The following VPS39 variants were observed in gnomAD, a reference collection of about 807,000 sequenced individuals.
VPS39 encodes the protein vam6/Vps39-like protein.
Under a neutral mutation model 121.0 loss-of-function variants are expected in VPS39, and 70 were observed. That is an observed-to-expected ratio of 0.58 (90% CI 0.48 to 0.71). The LOEUF is 0.71. Among genes scored for constraint, VPS39 ranks in the 30% least tolerant of loss-of-function variants. The pLI is 0.00. For synonymous variants in VPS39, 378 were observed against 398.1 expected (o/e 0.95, Z 0.60); for missense variants, 818 against 1,051.5 (o/e 0.78, Z 3.07).
At chr15:42,167,621 A>T in intron 12 of VPS39, 84 bp from the exon 13 acceptor site, 1 of 1,543,130 alleles carries the variant, frequency 6.5e-7, no homozygotes, top group Non-Finnish European at 8.8e-7. Flanking sequence ...GAATACCTCC[A>T]ATCAGCTCAT....
At chr15:42,203,446 CCTGGGTGACGGGG>C (rs1018758957) in intron 1 of VPS39, among the ~76,000 whole-genome samples, 1 of 150,818 alleles carries the variant, frequency 6.6e-6, no homozygotes, top group Non-Finnish European at 1.5e-5. Flanking sequence ...TGCACTCCAG[CCTGGGTGACGGGG>C]CAGGACTCTG....
intron 7 of VPS39, among the ~76,000 whole-genome samples, chr15:42,186,153 A>G (rs772392556): frequency 1.7e-4 from 26 of 151,982 alleles, no homozygotes; most frequent in Admixed American, 1.7e-3. Flanking sequence ...CAAGATAACA[A>G]TGGGGCCAGG....
intron 2 of VPS39, chr15:42,192,214 A>C (rs1257551251): frequency 9.2e-6 from 9 of 974,248 alleles, no homozygotes; most frequent in Non-Finnish European, 1.4e-5. Flanking sequence ...AAAGAGAATA[A>C]TTATCATCAT....
At chr15:42,178,712 T>G in intron 8 of VPS39, 142 bp from the exon 9 acceptor site, 1 of 1,224,302 alleles carries the variant, frequency 8.2e-7, no homozygotes, top group Non-Finnish European at 1.1e-6. Flanking sequence ...TCTTACACTG[T>G]GATTCAGAAA....
At position 42,165,117 on chromosome 15, in the gene VPS39, A is replaced by C. The variant is rs1209656413; in HGVS notation, c.1780-4T>G. On this transcript the variant is annotated splice_region_variant and splice_polypyrimidine_tract_variant and intron_variant, in intron 17 of 24. Coordinates refer to ENST00000318006, the MANE Select transcript of VPS39 (RefSeq NM_015289.5). ...CCCAAACATGGATGATGTGTTCCTGAGGCAAGATGTAGGTCTTTGTCACTG... is the reference window on the plus strand; with the variant it reads ...CCCAAACATGGATGATGTGTTCCTGCGGCAAGATGTAGGTCTTTGTCACTG... The C allele has an allele frequency of 1.9e-6, 3 of 1,613,928 alleles. No homozygotes were observed. Among genetic ancestry groups the C allele is most frequent in the East Asian group, 4.5e-5 (2 of 44,872 alleles).
Position 42,191,153 on chromosome 15 carries a change from G to A in VPS39, c.219C>T (p.Ser73=), listed in dbSNP as rs2049820561. The change falls in exon 4 of 25, where the codon TCC becomes TCT. Residue 73 remains serine (S), a synonymous_variant. Transcript: ENST00000318006. ...SKKIQQIHVV[S]QFKILVSLLE... The stretch of plus-strand genomic sequence containing the variant: ...ACAAGCTGACCAGAATCTTAAACTG[G>A]GAAACCACATGGATCTGGAAAATAG... The A allele has an allele frequency of 1.2e-6, 2 of 1,613,904 alleles. No individual in the cohort carries two copies. Among genetic ancestry groups the A allele is most frequent in the Non-Finnish European group, 1.7e-6 (2 of 1,179,984 alleles).
In VPS39 at chr15:42,163,744, A is replaced by G. The variant is rs1475917509; in HGVS notation, c.2027-16T>C. 8 of 1,595,264 alleles carry G rather than the reference A, an allele frequency of 5.0e-6. No individual in the cohort carries two copies. Among genetic ancestry groups the G allele is most frequent in the African/African-American group, 4.0e-5 (3 of 74,420 alleles). ...TCTAAGAGGCCTAGGAGGAAAAGGA[A>G]TATGAGGAACCACTGCCGCCATCAC... On this transcript the variant is annotated splice_polypyrimidine_tract_variant and intron_variant, in intron 19 of 24. Transcript: ENST00000318006.
In VPS39 at chr15:42,159,658, G is replaced by A. The variant is rs2140827877; in HGVS notation, c.*1096C>T. The A allele has an allele frequency of 6.6e-6, 1 of 152,498 alleles. No homozygotes were observed. Among genetic ancestry groups the A allele is most frequent in the East Asian group, 1.9e-4 (1 of 5,188 alleles). The allele number at this position is 152,498 out of a possible 1,614,324, so 9.4% of individuals were successfully genotyped here. ...AGTTCCAGGTCCACTCATCCCCTGC[G>A]TGTTGCCGGGACCCACCTTCCTGCG... On this transcript the variant is annotated 3_prime_UTR_variant, in exon 25 of 25. Transcript: ENST00000318006.
At chr15:42,162,533 C>T (rs1349193177) in intron 21 of VPS39, 52 bp from the exon 22 acceptor site, 2 of 1,542,252 alleles carry the variant, frequency 1.3e-6, no homozygotes, top group Admixed American at 3.8e-5. Context: ...CCTCCCAGAA[C>T]CCCCAGCACT....
At chr15:42,167,199 T>C (rs564958531) in intron 13 of VPS39, among the ~76,000 whole-genome samples, 195 bp downstream of exon 13, 25 of 152,330 alleles carry the variant, frequency 1.6e-4, no homozygotes, top group African/African-American at 2.4e-4. Flanking sequence ...CACTGTACAA[T>C]TGTGCATTGA....
chr15:42,168,775 C>T (rs2049294356), intron 12 of VPS39, among the ~76,000 whole-genome samples: 1 of 152,128 alleles, frequency 6.6e-6, no homozygotes, highest in African/African-American at 2.4e-5. Flanking sequence ...AACTCCTGAC[C>T]TCAGGTGATC....
At chr15:42,172,902 T>C (rs1468954502) in intron 11 of VPS39, among the ~76,000 whole-genome samples, 1 of 152,146 alleles carries the variant, frequency 6.6e-6, no homozygotes, top group African/African-American at 2.4e-5. Flanking sequence ...TCTTGACTGA[T>C]ACAGGGAATT....
At chr15:42,197,035 G>A (rs1263157023) in intron 2 of VPS39, among the ~76,000 whole-genome samples, 1 of 151,906 alleles carries the variant, frequency 6.6e-6, no homozygotes, top group Non-Finnish European at 1.5e-5. Context: ...GGACATGGAT[G>A]AAGCTGGAAA....
chr15:42,164,304 A>C, intron 19 of VPS39, 54 bp downstream of exon 19: 1 of 1,604,952 alleles, frequency 6.2e-7, no homozygotes, highest in East Asian at 2.2e-5. Context: ...GGGGTGGATT[A>C]GTCTTTGCAT....
Position 42,162,358 on chromosome 15 carries a change from G to A in VPS39, c.2299C>T (p.His767Tyr). The change falls in exon 22 of 25, where the codon CAC becomes TAC. Residue 767 changes from histidine (H) to tyrosine (Y), a missense_variant. Transcript: ENST00000318006. ...LQAALQVLEL[H>Y]HSKLDTTKAL... is the part of the protein sequence containing the mutation. The stretch of plus-strand genomic sequence containing the variant: ...TTGGTGGTGTCCAGTTTGCTGTGGT[G>A]TAGCTCGAGGACCTGCAGAGCGGCC... 1 of 1,613,074 alleles carries A rather than the reference G, an allele frequency of 6.2e-7. No homozygotes were observed. Among genetic ancestry groups the A allele is most frequent in the Non-Finnish European group, 8.5e-7 (1 of 1,179,400 alleles).
intron 20 of VPS39, 43 bp from the exon 21 acceptor site, chr15:42,163,438 C>T (rs1274043863): frequency 6.2e-7 from 1 of 1,611,896 alleles, no homozygotes; most frequent in South Asian, 1.1e-5. Context: ...GTGAGGGGGG[C>T]ACATCTAAAT....
At chr15:42,161,043 A>G in intron 24 of VPS39, 1 of 574,430 alleles carries the variant, frequency 1.7e-6, no homozygotes. Flanking sequence ...CACACAGTTA[A>G]GAGTGCATGG....
At chr15:42,163,286 C>T (rs2049173807) in intron 21 of VPS39, 64 bp downstream of exon 21, 1 of 1,591,794 alleles carries the variant, frequency 6.3e-7, no homozygotes, top group Non-Finnish European at 8.6e-7. Context: ...ATTATTGCCA[C>T]CTCTGGTCAA....
intron 10 of VPS39, among the ~76,000 whole-genome samples, chr15:42,175,041 T>C (rs1040869682): frequency 6.6e-6 from 1 of 152,086 alleles, no homozygotes; most frequent in South Asian, 2.1e-4. Context: ...AAGAGGAGCA[T>C]GTACTCCCCA....
Sources: allele counts gnomAD v4.1 joint callset (sites outside exome capture counted in the v4.1 genomes callset), GRCh38; gene constraint gnomAD v4.1.1; transcripts MANE v1.5; gene names NCBI Gene and HGNC (gene_info 2026-07-23, HGNC 2026-07-21).